The following ROBO1 variants were observed in gnomAD, a reference collection of about 807,000 sequenced individuals.
ROBO1 encodes the protein roundabout homolog 1.
In ROBO1, 149 loss-of-function variants were observed where a neutral mutation model predicts 195.9. That is an observed-to-expected ratio of 0.76 (90% CI 0.67 to 0.87). The LOEUF (loss-of-function observed/expected upper bound fraction) is 0.87. Ranked by LOEUF, ROBO1 falls within the 40% of genes least tolerant of loss-of-function variation. The pLI, the probability that ROBO1 is intolerant of heterozygous loss-of-function variation, is 0.00. For synonymous variants in ROBO1, 816 were observed against 733.2 expected (o/e 1.11, Z -1.82); for missense variants, 1,933 against 2,068.3 (o/e 0.93, Z 1.27).
In ROBO1 at chr3:78,712,753, C is replaced by T. The variant is rs141054142; in HGVS notation, c.1045+1644G>A. Among the ~76,000 whole-genome samples the T allele has an allele frequency of 7.7e-3, 1,170 of 152,138 alleles. 7 individuals are homozygous for T. Among genetic ancestry groups the T allele is most frequent in the African/African-American group, 0.027 (1,108 of 41,482 alleles). On this transcript the variant is annotated intron_variant, in intron 8 of 30. Coordinates refer to ENST00000464233, the MANE Select transcript of ROBO1 (RefSeq NM_002941.4). ...AGGCTTAGAGAGCAAGATTTCCATA[C>T]GGAAAACTTAAGGCTAAATGAATTT...
chr3:79,546,142 T>G lies in ROBO1; in HGVS notation c.88+43682A>C, dbSNP rs151060528. On this transcript the variant is annotated intron_variant, in intron 2 of 30. Transcript: ENST00000464233. ...TGTATGTATAATACATACATTAATATTAATAGTAATAGTAATTTAATGTAT... is the reference window on the plus strand; with the variant it reads ...TGTATGTATAATACATACATTAATAGTAATAGTAATAGTAATTTAATGTAT... Among the ~76,000 whole-genome samples, 580 of 152,154 alleles carry G rather than the reference T, an allele frequency of 3.8e-3. 3 individuals are homozygous for G. Among genetic ancestry groups the G allele is most frequent in the African/African-American group, 0.013 (551 of 41,500 alleles).
chr3:79,594,129 A>C (rs1381951949), intron 1 of ROBO1, among the ~76,000 whole-genome samples: 1 of 152,018 alleles, frequency 6.6e-6, no homozygotes, highest in African/African-American at 2.4e-5. Context: ...TCTCAACAAG[A>C]AAGTCCCCTA....
intron 2 of ROBO1, among the ~76,000 whole-genome samples, chr3:79,379,180 A>G (rs971373341): frequency 6.6e-6 from 1 of 152,178 alleles, no homozygotes; most frequent in African/African-American, 2.4e-5. Flanking sequence ...GAGAGTGAAA[A>G]TGTATTTCAA....
chr3:78,931,434 C>G (rs568084246), intron 4 of ROBO1, among the ~76,000 whole-genome samples: 1 of 151,544 alleles, frequency 6.6e-6, no homozygotes, highest in Non-Finnish European at 1.5e-5. Context: ...TCAGTGGAGA[C>G]GGAGTTTCTC....
At chr3:79,675,933 G>A (rs1319466956) in intron 1 of ROBO1, among the ~76,000 whole-genome samples, 3 of 151,998 alleles carry the variant, frequency 2.0e-5, no homozygotes, top group African/African-American at 4.8e-5. Context: ...CTGCACAATT[G>A]TCGATAAAAA....
rs538784112 is a variant in ROBO1 at position 79,197,053 on chromosome 3, T to C, written c.89-71514A>G. On this transcript the variant is annotated intron_variant, in intron 2 of 30. Coordinates refer to ENST00000464233, the MANE Select transcript of ROBO1 (RefSeq NM_002941.4). ...AACTAGTAAATATATACCTATCTTG[T>C]TTTTCGTATTATTATACTTTAAGTT... Among the ~76,000 whole-genome samples, 164 of 151,846 alleles carry C rather than the reference T, an allele frequency of 1.1e-3. 1 individual carries two copies. Among genetic ancestry groups the C allele is most frequent in the Middle Eastern group, 0.01 (3 of 294 alleles).
At chr3:78,960,059 G>C (rs1378095994) in intron 3 of ROBO1, among the ~76,000 whole-genome samples, 3 of 152,120 alleles carry the variant, frequency 2.0e-5, no homozygotes, top group Non-Finnish European at 2.9e-5. Flanking sequence ...CAGCTACTCA[G>C]GAGGCTGAGG....
intron 1 of ROBO1, among the ~76,000 whole-genome samples, chr3:79,723,308 C>G (rs1047102413): frequency 2.6e-5 from 4 of 152,146 alleles, no homozygotes; most frequent in Non-Finnish European, 5.9e-5. Context: ...TCTATCAACT[C>G]TCTGACATTT....
At chr3:78,599,137 A>G (rs1377781657) in intron 30 of ROBO1, among the ~76,000 whole-genome samples, 4 of 152,144 alleles carry the variant, frequency 2.6e-5, no homozygotes, top group African/African-American at 9.7e-5. Flanking sequence ...TGGGTTCTGC[A>G]CAGTGCCCCG....
intron 4 of ROBO1, among the ~76,000 whole-genome samples, chr3:78,829,583 G>T (rs535160287): frequency 1.3e-5 from 2 of 152,228 alleles, no homozygotes; most frequent in Non-Finnish European, 2.9e-5. Context: ...CATGCAACAT[G>T]AGGGGAGATC....
At chr3:79,504,022 C>CT (rs1417928104) in intron 2 of ROBO1, among the ~76,000 whole-genome samples, 2 of 152,164 alleles carry the variant, frequency 1.3e-5, no homozygotes, top group East Asian at 3.9e-4. Context: ...ATAAAACTGT[C>CT]TTTTTATAAA....
At chr3:79,574,661 G>A (rs1318902916) in intron 2 of ROBO1, among the ~76,000 whole-genome samples, 4 of 151,750 alleles carry the variant, frequency 2.6e-5, no homozygotes, top group Admixed American at 6.6e-5. Flanking sequence ...TGTTTTGTTT[G>A]TTTCCATTAA....
intron 4 of ROBO1, among the ~76,000 whole-genome samples, chr3:78,898,364 T>C (rs1457568828): frequency 1.4e-5 from 2 of 145,610 alleles, no homozygotes; most frequent in South Asian, 2.1e-4. Context: ...TATAGACAGA[T>C]AGATAGATAG....
intron 2 of ROBO1, among the ~76,000 whole-genome samples, chr3:79,559,196 CATG>C (rs1394234777): frequency 1.3e-5 from 2 of 152,170 alleles, no homozygotes; most frequent in African/African-American, 4.8e-5. Context: ...ACTTAGCTTT[CATG>C]ATAAGCCTAT....
intron 3 of ROBO1, among the ~76,000 whole-genome samples, chr3:78,979,422 C>G (rs2076946401): frequency 6.6e-6 from 1 of 152,166 alleles, no homozygotes; most frequent in African/African-American, 2.4e-5. Context: ...GTGCTGAAAG[C>G]AATGGACTGA....
chr3:78,777,433 A>G (rs1351019420), intron 4 of ROBO1, among the ~76,000 whole-genome samples: 1 of 152,070 alleles, frequency 6.6e-6, no homozygotes, highest in East Asian at 1.9e-4. Flanking sequence ...CTTATGATAT[A>G]TATACAACCA....
intron 2 of ROBO1, among the ~76,000 whole-genome samples, chr3:79,561,398 T>C (rs1279207122): frequency 6.6e-6 from 1 of 152,198 alleles, no homozygotes; most frequent in Non-Finnish European, 1.5e-5. Flanking sequence ...CAAGATGTTC[T>C]AGGCAGAGTA....
At chr3:79,717,395 C>A (rs904482734) in intron 1 of ROBO1, among the ~76,000 whole-genome samples, 1 of 151,880 alleles carries the variant, frequency 6.6e-6, no homozygotes, top group Non-Finnish European at 1.5e-5. Flanking sequence ...CAGACAATTG[C>A]ATTTTAGGTT....
At chr3:79,388,040 T>C (rs182846085) in intron 2 of ROBO1, among the ~76,000 whole-genome samples, 5 of 152,276 alleles carry the variant, frequency 3.3e-5, no homozygotes, top group African/African-American at 1.2e-4. Context: ...TGAATGGAAT[T>C]CTCACAAACT....
Sources: allele counts gnomAD v4.1 joint callset (sites outside exome capture counted in the v4.1 genomes callset), GRCh38; gene constraint gnomAD v4.1.1; transcripts MANE v1.5; gene names NCBI Gene and HGNC (gene_info 2026-07-23, HGNC 2026-07-21).